The following SLC9A3 variants were observed in gnomAD, a reference collection of about 807,000 sequenced individuals.
The protein encoded by SLC9A3 is solute carrier family 9 member A3.
SLC9A3 carries 37 observed loss-of-function variants against 86.8 expected under a neutral mutation model. That is an observed-to-expected ratio of 0.43 (90% confidence interval 0.33 to 0.56). The LOEUF is 0.56. Ranked by LOEUF, SLC9A3 falls within the 20% of genes least tolerant of loss-of-function variation. The pLI, the probability that SLC9A3 is intolerant of heterozygous loss-of-function variation, is 0.06. For missense variants in SLC9A3, 1,011 were observed against 1,171.9 expected, an observed-to-expected ratio of 0.86 and a Z score of 2.00; for synonymous variants, 581 against 528.3, an observed-to-expected ratio of 1.10 and a Z score of -1.37.
At chr5:484,429 C>T in intron 5 of SLC9A3, 91 bp downstream of exon 5, 1 of 1,152,950 alleles carries the variant, frequency 8.7e-7, no homozygotes, top group Non-Finnish European at 1.3e-6. Context: ...GTTGGGGTCC[C>T]CCTGGCTGGC....
Position 524,227 on chromosome 5 carries a change from G to T in SLC9A3, c.96C>A (p.Pro32=). Residue 32 remains proline (P), a synonymous_variant, in exon 1 of 17, where the codon CCC becomes CCA. Coordinates refer to ENST00000264938, the MANE Select transcript of SLC9A3 (RefSeq NM_004174.4). ...CCCCGCTCTCGCCGTGCGCGCCGCC[G>T]GGCTCCACCTCGACGCCCCCGGCCC... ...LARAGGVEVE[P]GGAHGESGGF... 6.6e-7 allele frequency: 1 copy of T among 1,505,156 alleles called. No individual in the cohort carries two copies. Among genetic ancestry groups the T allele is most frequent in the Non-Finnish European group, 8.9e-7 (1 of 1,127,246 alleles). 93.2% of individuals were successfully genotyped at this position (1,505,156 alleles called of 1,614,324 possible). A position where few individuals can be genotyped will look rare whatever the true frequency, so the allele number is the denominator to read the frequency against.
intron 1 of SLC9A3, 119 bp from the exon 2 acceptor site, chr5:492,190 GGGCAGGGCCTGTT>G (rs1739790080): frequency 5.6e-6 from 1 of 177,192 alleles, no homozygotes; most frequent in Non-Finnish European, 9.5e-6. Flanking sequence ...AGGGATGTCG[GGGCAGGGCCTGTT>G]GGGGAGGGAG....
intron 1 of SLC9A3, among the ~76,000 whole-genome samples, chr5:520,680 C>T (rs1052384125): frequency 6.6e-6 from 1 of 152,112 alleles, no homozygotes; most frequent in African/African-American, 2.4e-5. Context: ...CTGAGTTGCT[C>T]GGGCCTCCCT....
At chr5:500,504 G>A (rs1270181327) in intron 1 of SLC9A3, among the ~76,000 whole-genome samples, 2 of 151,166 alleles carry the variant, frequency 1.3e-5, no homozygotes, top group African/African-American at 4.8e-5. Context: ...CACGGGGCCA[G>A]TGTAGATGGG....
chr5:475,528 C>T, intron 15 of SLC9A3, 33 bp downstream of exon 15: 1 of 1,345,364 alleles, frequency 7.4e-7, no homozygotes, highest in East Asian at 2.5e-5. Flanking sequence ...AGCCACCCCT[C>T]CCTTAGCCAC....
intron 1 of SLC9A3, among the ~76,000 whole-genome samples, chr5:509,369 G>T (rs1368670312): frequency 6.6e-6 from 1 of 151,416 alleles, no homozygotes; most frequent in Admixed American, 6.6e-5. Context: ...CATAAGAATC[G>T]CTTGAAGCCA....
chr5:505,167 G>A (rs2126643722), intron 1 of SLC9A3, among the ~76,000 whole-genome samples: 1 of 109,228 alleles, frequency 9.2e-6, no homozygotes, highest in South Asian at 3.4e-4. Context: ...CTTAAGGGAG[G>A]GAGGCTGCTG....
chr5:489,429 T>A (rs1407701506), intron 2 of SLC9A3, among the ~76,000 whole-genome samples: 12 of 152,046 alleles, frequency 7.9e-5, no homozygotes, highest in Admixed American at 7.9e-4. Context: ...GAGGAGGGGT[T>A]TGTCCCTGGA....
chr5:474,873 G>C lies in SLC9A3; in HGVS notation c.2501+10C>G. The stretch of plus-strand genomic sequence containing the variant: ...GAGGGGTTAGGCGGCGGGAGGCCCG[G>C]GAGCGTTACATGTGTGTGGACTCGG... On this transcript the variant is annotated intron_variant, in intron 16 of 16. Transcript: ENST00000264938. 1 of 1,587,230 alleles carries C rather than the reference G, an allele frequency of 6.3e-7. No individual in the cohort carries two copies. Among genetic ancestry groups the C allele is most frequent in the Non-Finnish European group, 8.6e-7 (1 of 1,167,664 alleles).
rs62331635 is a variant in SLC9A3 at position 484,609 on chromosome 5, A to G, written c.843T>C (p.His281=). Residue 281 remains histidine, a synonymous_variant, in exon 5 of 17, where the codon CAT becomes CAC. Transcript: ENST00000264938. ...LLSLVTRFTK[H]VRIIEPGFVF... ...CGAAGCCGGGCTCGATGATACGCAC[A>G]TGCTTGGTGAAGCGCGTCACCAGCG... 3.0e-4 allele frequency: 485 copies of G among 1,613,306 alleles called. 1 individual carries two copies. Among genetic ancestry groups the G allele is most frequent in the East Asian group, 2.8e-3 (126 of 44,878 alleles).
intron 3 of SLC9A3, among the ~76,000 whole-genome samples, chr5:486,728 A>G (rs1387168887): frequency 6.6e-6 from 1 of 152,178 alleles, no homozygotes; most frequent in Non-Finnish European, 1.5e-5. Flanking sequence ...CCCTGATCCA[A>G]TAGGACCCGT....
chr5:484,390 C>T lies in SLC9A3; in HGVS notation c.932+130G>A, dbSNP rs1293404654. The T allele has an allele frequency of 6.4e-5, 28 of 435,428 alleles. 2 individuals are homozygous for T. The highest frequency in any genetic ancestry group is 5.3e-4 in the East Asian group (12 of 22,460). 27.0% of individuals were successfully genotyped at this position (435,428 alleles called of 1,614,324 possible). A position where few individuals can be genotyped will look rare whatever the true frequency, so the allele number is the denominator to read the frequency against. On this transcript the variant is annotated intron_variant, in intron 5 of 16. Transcript: ENST00000264938. ...GGTCCCCCTGGCTGGCTCGCCCCGC[C>T]GGACCCAGGAGGGTGTGGAGAAGCT...
intron 1 of SLC9A3, among the ~76,000 whole-genome samples, chr5:500,766 C>T (rs1276795524): frequency 6.8e-5 from 9 of 132,790 alleles, no homozygotes; most frequent in South Asian, 2.5e-4. Flanking sequence ...GGACACAGGG[C>T]CAGTGTGGAC....
At chr5:486,886 G>A (rs112692901) in intron 3 of SLC9A3, among the ~76,000 whole-genome samples, 3,600 of 103,538 alleles carry the variant, frequency 0.035, 72 homozygotes, top group African/African-American at 0.11. Flanking sequence ...GACACCCACC[G>A]CACTGACACC....
intron 1 of SLC9A3, among the ~76,000 whole-genome samples, chr5:502,977 C>CTG (rs1222043822): frequency 1.3e-5 from 2 of 152,358 alleles, no homozygotes; most frequent in East Asian, 3.9e-4. Flanking sequence ...AGGCCGAAAG[C>CTG]CGCTGTAACG....
chr5:504,645 C>A (rs1047975251), intron 1 of SLC9A3, among the ~76,000 whole-genome samples: 1 of 152,218 alleles, frequency 6.6e-6, no homozygotes, highest in Admixed American at 6.5e-5. Flanking sequence ...CAGACAAACC[C>A]TCAGCTGCTG....
chr5:495,039 C>T (rs780980454), intron 1 of SLC9A3, among the ~76,000 whole-genome samples: 16 of 152,082 alleles, frequency 1.1e-4, no homozygotes, highest in Non-Finnish European at 1.9e-4. Flanking sequence ...CCCGCCGGCA[C>T]GTGGGCTGCT....
intron 3 of SLC9A3, among the ~76,000 whole-genome samples, chr5:485,712 G>GA (rs1739431019): frequency 6.6e-6 from 1 of 152,268 alleles, no homozygotes; most frequent in African/African-American, 2.4e-5. Context: ...ACGCAGGTGA[G>GA]ACCGGCCGAG....
At chr5:501,704 C>G (rs1050565168) in intron 1 of SLC9A3, among the ~76,000 whole-genome samples, 3 of 152,244 alleles carry the variant, frequency 2.0e-5, no homozygotes, top group African/African-American at 7.2e-5. Flanking sequence ...ACACTCTGAC[C>G]TCAGTATCAC....
Sources: gnomAD v4.1 joint callset for allele counts (sites outside exome capture counted in the v4.1 genomes callset) on GRCh38, gnomAD v4.1.1 for gene constraint, MANE v1.5 for transcripts, NCBI Gene and HGNC (gene_info 2026-07-23, HGNC 2026-07-21) for gene names.